AFAP1L2: variants seen among roughly 807,000 people sequenced by gnomAD.
AFAP1L2 encodes actin filament-associated protein 1-like 2.
A neutral mutation model predicts 99.3 loss-of-function variants in AFAP1L2; 46 were observed. The ratio of observed to expected loss-of-function variants is 0.46; its 90% confidence interval spans 0.37 to 0.59. The LOEUF (loss-of-function observed/expected upper bound fraction) is 0.59. Ranked by LOEUF, AFAP1L2 falls within the 20% of genes least tolerant of loss-of-function variation. The pLI is 0.00. For synonymous variants in AFAP1L2, 397 were observed against 419.1 expected, an observed-to-expected ratio of 0.95 and a Z score of 0.64; for missense variants, 959 against 1,034.9, an observed-to-expected ratio of 0.93 and a Z score of 1.01.
intron 1 of AFAP1L2, chr10:114,362,879 T>C (rs1394116097): frequency 2.2e-6 from 2 of 906,432 alleles, no homozygotes; most frequent in Non-Finnish European, 2.6e-6. Flanking sequence ...AACTTCTGAT[T>C]TGAAAACATT....
At chr10:114,403,660 G>A (rs1399993714) in intron 1 of AFAP1L2, among the ~76,000 whole-genome samples, 2 of 152,176 alleles carry the variant, frequency 1.3e-5, no homozygotes, top group East Asian at 1.9e-4. Context: ...GACCAGCTCC[G>A]AGGCTCCGAG....
intron 2 of AFAP1L2, among the ~76,000 whole-genome samples, chr10:114,339,448 A>G (rs1242670264): frequency 1.3e-5 from 2 of 151,706 alleles, no homozygotes; most frequent in Non-Finnish European, 2.9e-5. Flanking sequence ...CTCCGTCTCA[A>G]AAAAAAAAGA....
At chr10:114,283,148 G>A in the AFAP1L2 span, among the ~76,000 whole-genome samples, 1 of 152,214 alleles carries the variant, frequency 6.6e-6, no homozygotes, top group East Asian at 1.9e-4. Context: ...CCACTGACCT[G>A]GGAGCTTGAA....
chr10:114,365,285 G>A (rs1425394646), intron 1 of AFAP1L2, among the ~76,000 whole-genome samples: 11 of 152,072 alleles, frequency 7.2e-5, no homozygotes, highest in Admixed American at 6.6e-4. Context: ...CCAGGCATAC[G>A]CTCGTGGCTC....
At chr10:114,399,040 A>C in intron 1 of AFAP1L2, 1 of 600,624 alleles carries the variant, frequency 1.7e-6, no homozygotes, top group Non-Finnish European at 2.7e-6. Flanking sequence ...CTCCAGAGCT[A>C]GAGCACGGGA....
At chr10:114,338,622 A>T (rs2048329491) in intron 2 of AFAP1L2, among the ~76,000 whole-genome samples, 1 of 152,236 alleles carries the variant, frequency 6.6e-6, no homozygotes, top group Non-Finnish European at 1.5e-5. Context: ...AACAAACTAC[A>T]GACACACTCA....
intron 1 of AFAP1L2, among the ~76,000 whole-genome samples, chr10:114,346,815 G>A (rs893247358): frequency 2.6e-5 from 4 of 152,126 alleles, no homozygotes; most frequent in Non-Finnish European, 5.9e-5. Context: ...CAAGGCCCAC[G>A]CAGGGCTGGG....
intron 16 of AFAP1L2, 105 bp downstream of exon 16, chr10:114,299,155 G>A (rs867545913): frequency 2.2e-6 from 3 of 1,392,002 alleles, no homozygotes; most frequent in East Asian, 4.6e-5. Flanking sequence ...AGGGGCCAGG[G>A]CCCACTGATT....
At chr10:114,396,683 G>A (rs1327221510) in intron 1 of AFAP1L2, among the ~76,000 whole-genome samples, 1 of 152,176 alleles carries the variant, frequency 6.6e-6, no homozygotes, top group Admixed American at 6.5e-5. Context: ...TTGCAGACAG[G>A]CTGCCAAAGC....
At chr10:114,304,479 C>A (rs1028728034) in intron 11 of AFAP1L2, among the ~76,000 whole-genome samples, 1 of 152,200 alleles carries the variant, frequency 6.6e-6, no homozygotes, top group African/African-American at 2.4e-5. Flanking sequence ...ACTAAAAATA[C>A]TCCTTCTGCC....
chr10:114,368,776 ACACACACAC>A (rs2053656419), intron 1 of AFAP1L2, among the ~76,000 whole-genome samples: 1 of 48,670 alleles, frequency 2.1e-5, no homozygotes, highest in South Asian at 8.9e-4. Flanking sequence ...CAACACACAC[ACACACACAC>A]ACACACACAC....
intron 11 of AFAP1L2, among the ~76,000 whole-genome samples, chr10:114,304,504 T>C (rs951909232): frequency 2.6e-5 from 4 of 152,142 alleles, no homozygotes; most frequent in African/African-American, 9.7e-5. Flanking sequence ...GTGCAGGAAG[T>C]AGCGCATGGT....
rs1413303747 is a variant in AFAP1L2 at position 114,367,621 on chromosome 10, A to AC, written c.17-26891dup. 9.2e-5 allele frequency among the ~76,000 whole-genome samples: 14 copies of AC among 152,284 alleles called. No homozygotes were observed. The East Asian group carries it at 1.5e-3, about 17-fold the overall frequency. ...GGGACTGAGGCCCAGCTAGAATGCA[A>AC]CCCCCAGTAAATCACTGTTAATTGC... On this transcript the variant is annotated intron_variant, in intron 1 of 18. Coordinates refer to ENST00000304129, the MANE Select transcript of AFAP1L2 (RefSeq NM_001001936.3).
chr10:114,339,048 C>T (rs537130131), intron 2 of AFAP1L2, among the ~76,000 whole-genome samples: 129 of 152,290 alleles, frequency 8.5e-4, no homozygotes, highest in Non-Finnish European at 1.6e-3. Flanking sequence ...ACAGGGATGT[C>T]TTAAAGATGA....
intron 2 of AFAP1L2, among the ~76,000 whole-genome samples, chr10:114,339,079 C>T (rs1590304208): frequency 6.6e-6 from 1 of 152,198 alleles, no homozygotes; most frequent in African/African-American, 2.4e-5. Context: ...TACATATGCT[C>T]ATGGGAATGC....
chr10:114,325,829 G>A, intron 4 of AFAP1L2: 1 of 1,241,472 alleles, frequency 8.1e-7, no homozygotes, highest in Non-Finnish European at 1.0e-6. Context: ...AGACTTGCCT[G>A]TGGTCCACTA....
At chr10:114,285,555 A>T in the AFAP1L2 span, among the ~76,000 whole-genome samples, 1 of 152,268 alleles carries the variant, frequency 6.6e-6, no homozygotes, top group Non-Finnish European at 1.5e-5. Context: ...ACCAGAAGTC[A>T]ATTCTAGCGT....
At chr10:114,361,237 G>C (rs373957100) in intron 1 of AFAP1L2, among the ~76,000 whole-genome samples, 1 of 152,126 alleles carries the variant, frequency 6.6e-6, no homozygotes, top group Admixed American at 6.6e-5. Context: ...AGATTTGAGT[G>C]GGGACACAGC....
chr10:114,310,275 A>G, intron 8 of AFAP1L2, 79 bp downstream of exon 8: 2 of 1,393,118 alleles, frequency 1.4e-6, no homozygotes, highest in Non-Finnish European at 2.0e-6. Context: ...ATAAAAACGA[A>G]GCTCCCAATT....
Sources: allele counts gnomAD v4.1 joint callset (sites outside exome capture counted in the v4.1 genomes callset), GRCh38; gene constraint gnomAD v4.1.1; transcripts MANE v1.5; gene names NCBI Gene and HGNC (gene_info 2026-07-23, HGNC 2026-07-21).